NOTCH4: variants seen among roughly 807,000 people sequenced by gnomAD.
The protein encoded by NOTCH4 is neurogenic locus notch homolog protein 4.
NOTCH4 carries 138 observed loss-of-function variants against 189.0 expected under a neutral mutation model. The ratio of observed to expected loss-of-function variants is 0.73; its 90% CI spans 0.64 to 0.84. The LOEUF (loss-of-function observed/expected upper bound fraction) is 0.84. Among genes scored for constraint, NOTCH4 ranks in the 40% least tolerant of loss-of-function variants. The pLI, the probability that NOTCH4 is intolerant of heterozygous loss-of-function variation, is 0.00. For synonymous variants in NOTCH4, 942 were observed against 1,032.8 expected (o/e 0.91, Z 1.69); for missense variants, 2,286 against 2,605.4 (o/e 0.88, Z 2.67).
chr6:32,197,529 C>T lies in NOTCH4; in HGVS notation c.4822G>A (p.Ala1608Thr), dbSNP rs747002761. The change falls in exon 27 of 30, where the codon GCA (alanine) becomes ACA (threonine). Residue 1608 changes from alanine to threonine, a missense_variant. This residue lies in a region of NOTCH4 where 1,903 missense variants were observed against 2,261.9 expected (regional missense o/e 0.84). Coordinates refer to ENST00000375023, the MANE Select transcript of NOTCH4 (RefSeq NM_004557.4). ...GEVQSGTFQG[A>T]WLGCPEPWEP... ...CAGGGCTCAGGACATCCCAACCATG[C>T]CCCTTGGAAGGTCCCGGACTGTACT... 1.2e-6 allele frequency: 2 copies of T among 1,612,030 alleles called. No homozygotes were observed. The highest frequency in any genetic ancestry group is 2.2e-5 in the East Asian group (1 of 44,840).
chr6:32,208,365 T>C (rs1402476419), intron 18 of NOTCH4, among the ~76,000 whole-genome samples: 1 of 152,156 alleles, frequency 6.6e-6, no homozygotes, highest in Non-Finnish European at 1.5e-5. Flanking sequence ...AACAGGTATA[T>C]GGATGCAAAT....
intron 11 of NOTCH4, 139 bp downstream of exon 11, chr6:32,216,806 T>G: frequency 9.1e-7 from 1 of 1,093,294 alleles, no homozygotes; most frequent in African/African-American, 1.5e-5. Context: ...TGTGCAGGTT[T>G]TACACTAAAT....
chr6:32,223,335 T>A (rs1439020440), intron 1 of NOTCH4, among the ~76,000 whole-genome samples: 1 of 151,896 alleles, frequency 6.6e-6, no homozygotes, highest in Non-Finnish European at 1.5e-5. Context: ...TCGGACTCCA[T>A]CTCTCGGAAG....
rs1582816826 is a variant in NOTCH4 at position 32,217,306 on chromosome 6, C to A, written c.1625-40G>T. The A allele has an allele frequency of 7.3e-7, 1 of 1,366,976 alleles. No homozygotes were observed. Among genetic ancestry groups the A allele is most frequent in the South Asian group, 1.2e-5 (1 of 85,056 alleles). The allele number at this position is 1,366,976 out of a possible 1,614,324, so 84.7% of individuals were successfully genotyped here. The stretch of plus-strand genomic sequence containing the variant: ...GTGGGTGGGGAGAGGAGGCCAAGGT[C>A]ATCGAGGGAGGCACAGCATGGCGCC... On this transcript the variant is annotated intron_variant, in intron 9 of 29. Transcript: ENST00000375023. This position sits in a 1 kb window ranked among gnomAD's most constrained non-coding sequence, Gnocchi z 4.2.
In NOTCH4 at chr6:32,210,885, C is replaced by G; in HGVS notation, c.2732G>C (p.Gly911Ala). 1 of 1,611,842 alleles carries G rather than the reference C, an allele frequency of 6.2e-7. No individual in the cohort carries two copies. Among genetic ancestry groups the G allele is most frequent in the Non-Finnish European group, 8.5e-7 (1 of 1,179,362 alleles). ...CHNGGLCVDS[G>A]PSYFCHCPPG... is the part of the protein sequence containing the mutation. ...GGGGCAGTGGCAGAAATAGGAGGGG[C>G]CGCTGTCGACACAGAGGCCTCCATT... The change falls in exon 18 of 30, where the codon GGC (glycine) becomes GCC (alanine). Residue 911 changes from glycine to alanine, a missense_variant. By Grantham distance (60) the Gly-to-Ala change is moderately conservative. This residue lies in a region of NOTCH4 where 1,903 missense variants were observed against 2,261.9 expected (regional missense o/e 0.84). Coordinates refer to ENST00000375023, the MANE Select transcript of NOTCH4 (RefSeq NM_004557.4). The surrounding 1 kb of genome is among the most constrained non-coding windows in gnomAD (Gnocchi z 4.8).
At chr6:32,215,924 A>G (rs206014) in intron 11 of NOTCH4, 31,732 of 151,176 alleles carry the variant, frequency 0.21, 3,750 homozygotes, top group East Asian at 0.44. Context: ...GAGTGATCTC[A>G]GCTCACTGCA....
rs781213233 is a variant in NOTCH4, at chr6:32,220,301, G to A, written c.1160-17C>T. The A allele has an allele frequency of 1.2e-6, 2 of 1,610,384 alleles. No homozygotes were observed. Among genetic ancestry groups the A allele is most frequent in the Non-Finnish European group, 1.7e-6 (2 of 1,177,418 alleles). On this transcript the variant is annotated splice_polypyrimidine_tract_variant and intron_variant, in intron 6 of 29. Transcript: ENST00000375023. ...ACAGGAGTCCTGGAGGGGTAAGAGG[G>A]GGTGAGGCTCTCAAAGGCCACTTGA...
chr6:32,196,302 G>C (rs747110906), intron 29 of NOTCH4, 22 bp downstream of exon 29: 1 of 1,613,140 alleles, frequency 6.2e-7, no homozygotes, highest in African/African-American at 1.3e-5. Context: ...TGTTTTGTGG[G>C]AAGCCCTCTG....
At chr6:32,205,547 C>CAAAAAAAAAAAAA (rs9281672) in intron 18 of NOTCH4, among the ~76,000 whole-genome samples, 1 of 52,162 alleles carries the variant, frequency 1.9e-5, no homozygotes, top group Non-Finnish European at 3.2e-5. Flanking sequence ...GATGCTGTCT[C>CAAAAAAAAAAAAA]AAAAAAAAAA....
intron 1 of NOTCH4, among the ~76,000 whole-genome samples, chr6:32,223,341 G>A (rs2854048): frequency 0.044 from 6,718 of 152,038 alleles, 236 homozygotes; most frequent in East Asian, 0.15. Flanking sequence ...TCCATCTCTC[G>A]GAAGCAAGAC....
Position 32,222,567 on chromosome 6 carries a change from C to A in NOTCH4, c.395G>T (p.Arg132Leu). Residue 132 changes from arginine to leucine, a missense_variant, in exon 3 of 30, where the codon CGC becomes CTC. This residue lies in a region of NOTCH4 where 1,903 missense variants were observed against 2,261.9 expected (regional missense o/e 0.84). Coordinates refer to ENST00000375023, the MANE Select transcript of NOTCH4 (RefSeq NM_004557.4). ...CPPSFCSKRGRCHIQASGRPQ... is the reference protein window; with the variant it reads ...CPPSFCSKRGLCHIQASGRPQ... Reference sequence around the variant, plus strand: ...GCGGCCCGAGGCCTGGATGTGGCAGCGGCCCCTTTTGGAACAGAAGGAGGG... The same window carrying A: ...GCGGCCCGAGGCCTGGATGTGGCAGAGGCCCCTTTTGGAACAGAAGGAGGG... 6.3e-7 allele frequency: 1 copy of A among 1,584,030 alleles called. No individual in the cohort carries two copies. Among genetic ancestry groups the A allele is most frequent in the South Asian group, 1.2e-5 (1 of 86,726 alleles).
rs1176951172 is a variant in NOTCH4 at position 32,220,622 on chromosome 6, A to C, written c.942T>G (p.Asp314Glu). 6 of 1,613,832 alleles carry C rather than the reference A, an allele frequency of 3.7e-6. No individual in the cohort carries two copies. Among genetic ancestry groups the C allele is most frequent in the Non-Finnish European group, 5.1e-6 (6 of 1,179,930 alleles). The part of the protein sequence containing the change: ...ETWTGWDCSE[D>E]VDECETQGPP... ...GACCCTGGGTCTCACACTCATCCAC[A>C]TCTTCGGAGCAGTCCCAGCCTGCAG... The change falls in exon 6 of 30, where the codon GAT becomes GAG. Residue 314 changes from aspartate (D) to glutamate (E), a missense_variant. Physicochemically the swap from Asp to Glu is conservative, Grantham distance 45 (BLOSUM62 2). Transcript: ENST00000375023.
Position 32,197,502 on chromosome 6 carries a change from C to T in NOTCH4, c.4849G>A (p.Glu1617Lys), listed in dbSNP as rs2127461483. 1 of 1,607,722 alleles carries T rather than the reference C, an allele frequency of 6.2e-7. No individual in the cohort carries two copies. The highest frequency in any genetic ancestry group is 1.1e-5 in the South Asian group (1 of 90,348). The change falls in exon 27 of 30, where the codon GAA (glutamate) becomes AAA (lysine). Residue 1617 changes from glutamate to lysine, a missense_variant. Physicochemically the swap from Glu to Lys is moderately conservative, Grantham distance 56. Transcript: ENST00000375023. Reference sequence around the variant, plus strand: ...CAGGCCCCTCCATCCAGCAGAGGTTCCCAGGGCTCAGGACATCCCAACCAT... The same window carrying T: ...CAGGCCCCTCCATCCAGCAGAGGTTTCCAGGGCTCAGGACATCCCAACCAT... The part of the protein sequence containing the change: ...GAWLGCPEPW[E>K]PLLDGGACPQ...
chr6:32,213,893 C>G (rs1355758184), intron 13 of NOTCH4, 53 bp from the exon 14 acceptor site: 2 of 1,584,728 alleles, frequency 1.3e-6, no homozygotes, highest in Non-Finnish European at 1.7e-6. Context: ...CCTCCCTCCG[C>G]TCTCCTTCTC....
chr6:32,197,062 C>T lies in NOTCH4; in HGVS notation c.5063G>A (p.Arg1688His). 1 of 1,612,512 alleles carries T rather than the reference C, an allele frequency of 6.2e-7. No homozygotes were observed. The highest frequency in any genetic ancestry group is 8.5e-7 in the Non-Finnish European group (1 of 1,180,000). The change falls in exon 28 of 30, where the codon CGT (arginine) becomes CAT (histidine). Residue 1688 changes from arginine (R) to histidine (H), a missense_variant. Physicochemically the swap from Arg to His is conservative, Grantham distance 29. Coordinates refer to ENST00000375023, the MANE Select transcript of NOTCH4 (RefSeq NM_004557.4). ...AGCGTCCACTGCAGTTTGTCTGCTA[C>T]GGAGCAGAAGCTGGGGAGACAGAGG... ...DAREVCQLLLRSRQTAVDART... is the reference protein window; with the variant it reads ...DAREVCQLLLHSRQTAVDART...
chr6:32,204,464 T>TA, intron 18 of NOTCH4, 75 bp from the exon 19 acceptor site: 1 of 1,540,610 alleles, frequency 6.5e-7, no homozygotes, highest in East Asian at 2.3e-5. Context: ...CAGCTCAAGA[T>TA]AGTCTGTCCA....
rs1227961128 is a variant in NOTCH4 at position 32,220,230 on chromosome 6, G to A, written c.1214C>T (p.Ala405Val). Reference sequence around the variant, plus strand: ...TGTGAGGGGGTTGGTGCTGCATTGGGCATCCCCATGGCACGGCTGGCTCAG... The same window carrying A: ...TGTGAGGGGGTTGGTGCTGCATTGGACATCCCCATGGCACGGCTGGCTCAG... ...MCLSQPCHGD[A>V]QCSTNPLTGS... Residue 405 changes from alanine to valine, a missense_variant, in exon 7 of 30, where the codon GCC (alanine) becomes GTC (valine). Physicochemically the swap from Ala to Val is moderately conservative, Grantham distance 64. Transcript: ENST00000375023. 6.2e-7 allele frequency: 1 copy of A among 1,613,806 alleles called. No homozygotes were observed. Among genetic ancestry groups the A allele is most frequent in the Non-Finnish European group, 8.5e-7 (1 of 1,179,892 alleles).
chr6:32,220,672 A>G (rs1789703702), intron 5 of NOTCH4, 31 bp from the exon 6 acceptor site: 2 of 1,612,192 alleles, frequency 1.2e-6, no homozygotes, highest in Non-Finnish European at 8.5e-7. Flanking sequence ...GACGAGGGCT[A>G]AGGCTGGGAG....
chr6:32,199,020 G>A lies in NOTCH4; in HGVS notation c.4441C>T (p.Leu1481Phe). The change falls in exon 24 of 30, where the codon CTC becomes TTC. Residue 1481 changes from leucine (L) to phenylalanine (F), a missense_variant. Physicochemically the swap from Leu to Phe is conservative, Grantham distance 22 (BLOSUM62 0). Coordinates refer to ENST00000375023, the MANE Select transcript of NOTCH4 (RefSeq NM_004557.4). This position sits in a 1 kb window ranked among gnomAD's most constrained non-coding sequence, Gnocchi z 4.9. ...CGAGTGAAACCAGGGGGCAGCCAGA[G>A]AGCTCCATGCTCTCGGCGTCGACGC... The part of the protein sequence containing the change: ...IRRRRREHGA[L>F]WLPPGFTRRP... 1 of 1,612,658 alleles carries A rather than the reference G, an allele frequency of 6.2e-7. No individual in the cohort carries two copies. Among genetic ancestry groups the A allele is most frequent in the Middle Eastern group, 1.7e-4 (1 of 6,060 alleles).
Sources: gnomAD v4.1 joint callset for allele counts (sites outside exome capture counted in the v4.1 genomes callset) on GRCh38, gnomAD v4.1.1 for gene constraint, gnomAD v4.1.1 regional missense constraint, Gnocchi (gnomAD v3.1) non-coding constraint, MANE v1.5 for transcripts, NCBI Gene and HGNC (gene_info 2026-07-23, HGNC 2026-07-21) for gene names.